Variants in TAFA1 observed in about 807,000 individuals in gnomAD.
The protein encoded by TAFA1 is TAFA chemokine like family member 1.
A neutral mutation model predicts 18.5 loss-of-function variants in TAFA1; 4 were observed. The observed-to-expected ratio is 0.22, with a 90% CI of 0.11 to 0.49. The LOEUF is 0.49. Ranked by LOEUF, TAFA1 falls within the 20% of genes least tolerant of loss-of-function variation. The probability of loss-of-function intolerance (pLI) is 0.98; values close to 1 mark genes in which losing one functional copy is unlikely to be tolerated. For missense variants in TAFA1, 147 were observed against 169.0 expected, an observed-to-expected ratio of 0.87 and a Z score of 0.72; for synonymous variants, 56 against 55.2, an observed-to-expected ratio of 1.01 and a Z score of -0.06.
intron 2 of TAFA1, among the ~76,000 whole-genome samples, chr3:68,059,559 G>T (rs1037114857): frequency 2.6e-5 from 4 of 152,138 alleles, no homozygotes; most frequent in Non-Finnish European, 2.9e-5. Flanking sequence ...GAGAGCAAGA[G>T]GGGGAATGCT....
intron 2 of TAFA1, among the ~76,000 whole-genome samples, chr3:68,226,596 C>T (rs975528305): frequency 6.6e-6 from 1 of 151,970 alleles, no homozygotes; most frequent in South Asian, 2.1e-4. Context: ...GAGGCAGCCT[C>T]ATCATTGCTT....
chr3:68,055,654 A>G (rs1443764713), intron 2 of TAFA1, among the ~76,000 whole-genome samples: 1 of 152,076 alleles, frequency 6.6e-6, no homozygotes, highest in East Asian at 1.9e-4. Context: ...CAAGGAAAGG[A>G]TGCTATATTC....
At chr3:68,459,229 G>A (rs538796024) in intron 3 of TAFA1, among the ~76,000 whole-genome samples, 1 of 152,258 alleles carries the variant, frequency 6.6e-6, no homozygotes, top group African/African-American at 2.4e-5. Flanking sequence ...GTCCTGAGAG[G>A]GGAGTGGGGA....
chr3:68,316,745 A>G (rs999989925), intron 2 of TAFA1, among the ~76,000 whole-genome samples: 1 of 152,202 alleles, frequency 6.6e-6, no homozygotes, highest in African/African-American at 2.4e-5. Context: ...TGTCTGCCAC[A>G]TAGTAGGTCT....
chr3:68,494,813 A>G (rs1396944782), intron 3 of TAFA1, among the ~76,000 whole-genome samples: 1 of 152,234 alleles, frequency 6.6e-6, no homozygotes, highest in Non-Finnish European at 1.5e-5. Flanking sequence ...TAAGGATAAG[A>G]TTAGATAAAA....
In TAFA1 at chr3:68,320,996, A is replaced by T. The variant is rs116472450; in HGVS notation, c.119-96284A>T. 9.9e-3 allele frequency among the ~76,000 whole-genome samples: 1,513 copies of T among 152,250 alleles called. 38 individuals are homozygous for T. The highest frequency in any genetic ancestry group is 0.034 in the African/African-American group (1,407 of 41,552). Reference sequence around the variant, plus strand: ...CAGAGTAGACGTTTCCACTTTTCATATACATTGGGGGCCACACAGACTATA... The same window carrying T: ...CAGAGTAGACGTTTCCACTTTTCATTTACATTGGGGGCCACACAGACTATA... On this transcript the variant is annotated intron_variant, in intron 2 of 4. Transcript: ENST00000478136.
chr3:68,149,188 T>C (rs1384025538), intron 2 of TAFA1, among the ~76,000 whole-genome samples: 1 of 152,164 alleles, frequency 6.6e-6, no homozygotes, highest in Non-Finnish European at 1.5e-5. Context: ...AGTTAAATTT[T>C]CCCTAAGTGC....
At chr3:68,219,385 C>T (rs1024956444) in intron 2 of TAFA1, among the ~76,000 whole-genome samples, 1 of 152,100 alleles carries the variant, frequency 6.6e-6, no homozygotes, top group African/African-American at 2.4e-5. Flanking sequence ...TAGTTTAGAA[C>T]TCACAGTGCT....
intron 2 of TAFA1, among the ~76,000 whole-genome samples, chr3:68,031,065 C>T (rs1704925105): frequency 6.6e-6 from 1 of 152,100 alleles, no homozygotes; most frequent in South Asian, 2.1e-4. Flanking sequence ...GGCTATTATA[C>T]ATCAGTTTCA....
At chr3:68,511,477 A>C (rs1055566496) in intron 3 of TAFA1, among the ~76,000 whole-genome samples, 1 of 152,126 alleles carries the variant, frequency 6.6e-6, no homozygotes, top group Non-Finnish European at 1.5e-5. Flanking sequence ...TTCTTATAAC[A>C]AAACGATAAA....
At chr3:68,120,241 CTTTCTTTCTTTCTTTCTTTCTTTT>C (rs2065381376) in intron 2 of TAFA1, among the ~76,000 whole-genome samples, 7 of 83,416 alleles carry the variant, frequency 8.4e-5, no homozygotes, top group Admixed American at 8.0e-4. Flanking sequence ...TTCTTTCTTT[CTTTCTTTCTTTCTTTCTTTCTTTT>C]TTGAGACAGA....
At chr3:68,126,150 G>T (rs1413356343) in intron 2 of TAFA1, among the ~76,000 whole-genome samples, 2 of 152,088 alleles carry the variant, frequency 1.3e-5, no homozygotes, top group Non-Finnish European at 1.5e-5. Context: ...GACATAAACT[G>T]CTCCAAAACC....
chr3:68,251,724 A>G (rs1259974956), intron 2 of TAFA1, among the ~76,000 whole-genome samples: 1 of 152,220 alleles, frequency 6.6e-6, no homozygotes, highest in Non-Finnish European at 1.5e-5. Flanking sequence ...AGAACACAGC[A>G]TGGCCTCTGT....
upstream of TAFA1, among the ~76,000 whole-genome samples, chr3:68,003,246 A>G (rs751445124): frequency 1.3e-5 from 2 of 152,254 alleles, no homozygotes; most frequent in Non-Finnish European, 2.9e-5. Flanking sequence ...ACTGTGTGTA[A>G]CATGAGAAAA....
At chr3:68,164,750 A>G (rs1489836292) in intron 2 of TAFA1, among the ~76,000 whole-genome samples, 6 of 151,876 alleles carry the variant, frequency 4.0e-5, no homozygotes, top group Admixed American at 3.9e-4. Flanking sequence ...TGGATTATCT[A>G]TGATGTATTT....
At chr3:68,245,843 A>G (rs2067066975) in intron 2 of TAFA1, among the ~76,000 whole-genome samples, 1 of 152,216 alleles carries the variant, frequency 6.6e-6, no homozygotes, top group African/African-American at 2.4e-5. Context: ...CGAAATGTAT[A>G]AGCTGGTCTT....
intron 3 of TAFA1, among the ~76,000 whole-genome samples, chr3:68,447,321 C>T (rs1158841923): frequency 6.6e-6 from 1 of 152,144 alleles, no homozygotes; most frequent in East Asian, 1.9e-4. Flanking sequence ...GTGCTAGAAC[C>T]AGGATTGACT....
At chr3:68,529,556 G>T (rs2073159500) in intron 3 of TAFA1, among the ~76,000 whole-genome samples, 1 of 151,482 alleles carries the variant, frequency 6.6e-6, no homozygotes, top group Admixed American at 6.6e-5. Flanking sequence ...AATACTGCAG[G>T]CTGGGTAATT....
chr3:68,140,245 C>T (rs374837548), intron 2 of TAFA1, among the ~76,000 whole-genome samples: 9 of 152,316 alleles, frequency 5.9e-5, no homozygotes, highest in African/African-American at 2.2e-4. Flanking sequence ...ATACAGCAGG[C>T]TTTGGGGCCG....
Sources: allele counts gnomAD v4.1 joint callset (sites outside exome capture counted in the v4.1 genomes callset), GRCh38; gene constraint gnomAD v4.1.1; transcripts MANE v1.5; gene names NCBI Gene and HGNC (gene_info 2026-07-23, HGNC 2026-07-21).